CCSER1: variants seen among roughly 807,000 people sequenced by gnomAD.
The protein encoded by CCSER1 is coiled-coil serine rich protein 1, also known as serine-rich coiled-coil domain-containing protein 1.
Under a neutral mutation model 82.0 loss-of-function variants are expected in CCSER1, and 41 were observed. The observed-to-expected ratio is 0.50, with a 90% CI of 0.39 to 0.65. The LOEUF is 0.65. Among genes scored for constraint, CCSER1 ranks in the 30% least tolerant of loss-of-function variants. The pLI, the probability that CCSER1 is intolerant of heterozygous loss-of-function variation, is 0.00. For missense variants in CCSER1, 1,119 were observed against 1,064.2 expected, an observed-to-expected ratio of 1.05 and a Z score of -0.72; for synonymous variants, 414 against 383.9, an observed-to-expected ratio of 1.08 and a Z score of -0.92.
chr4:90,938,901 TTGA>T (rs1731270578), intron 9 of CCSER1: 1 of 161,088 alleles, frequency 6.2e-6, no homozygotes, highest in African/African-American at 2.4e-5. Flanking sequence ...ATATAAAATA[TTGA>T]TGAATTAAGA....
At chr4:90,916,075 A>C (rs1310009860) in intron 8 of CCSER1, among the ~76,000 whole-genome samples, 1 of 152,186 alleles carries the variant, frequency 6.6e-6, no homozygotes, top group African/African-American at 2.4e-5. Context: ...ATATCATGAA[A>C]ATGGCCATAC....
chr4:91,447,974 G>A (rs1578483387), intron 10 of CCSER1, among the ~76,000 whole-genome samples: 1 of 152,018 alleles, frequency 6.6e-6, no homozygotes, highest in Non-Finnish European at 1.5e-5. Context: ...TATTTTAGAT[G>A]TTTATGTGAG....
rs370658687 is a variant in CCSER1 at position 91,226,328 on chromosome 4, A to G, written c.2217+140334A>G. On this transcript the variant is annotated intron_variant, in intron 10 of 10. Transcript: ENST00000509176. The stretch of plus-strand genomic sequence containing the variant: ...AAGAATATATTTATTGGTGTTTATT[A>G]CATTTGAATTTCTAAGATACTTATT... 1.1e-4 allele frequency among the ~76,000 whole-genome samples: 17 copies of G among 152,074 alleles called. 1 individual carries two copies. The South Asian group carries it at 1.7e-3, about 15-fold the overall frequency.
At chr4:90,610,602 C>T (rs75795411) in intron 5 of CCSER1, among the ~76,000 whole-genome samples, 1,868 of 152,176 alleles carry the variant, frequency 0.012, 32 homozygotes, top group African/African-American at 0.043. Flanking sequence ...GCTAGTCTAC[C>T]ACTTGAGTGA....
intron 1 of CCSER1, among the ~76,000 whole-genome samples, chr4:90,199,925 T>C (rs528962974): frequency 6.6e-6 from 1 of 152,274 alleles, no homozygotes; most frequent in South Asian, 2.1e-4. Context: ...CAATATTGCA[T>C]AGCAATTAAG....
intron 10 of CCSER1, among the ~76,000 whole-genome samples, chr4:91,466,433 A>G (rs1019016678): frequency 5.9e-5 from 9 of 152,194 alleles, no homozygotes; most frequent in Admixed American, 3.9e-4. Context: ...ATTCCCTTTG[A>G]AAACTGGCAC....
intron 10 of CCSER1, among the ~76,000 whole-genome samples, chr4:91,185,795 A>G (rs1734482381): frequency 6.6e-6 from 1 of 152,130 alleles, no homozygotes; most frequent in Non-Finnish European, 1.5e-5. Context: ...TTTTAGTATG[A>G]CCATGCTTCC....
At chr4:91,382,406 G>A (rs930463476) in intron 10 of CCSER1, among the ~76,000 whole-genome samples, 2 of 152,182 alleles carry the variant, frequency 1.3e-5, no homozygotes, top group African/African-American at 2.4e-5. Flanking sequence ...CTCAGCAATG[G>A]CGGGCACCTG....
intron 6 of CCSER1, among the ~76,000 whole-genome samples, chr4:90,641,064 A>G (rs564624366): frequency 9.4e-4 from 143 of 152,268 alleles, no homozygotes; most frequent in African/African-American, 3.0e-3. Flanking sequence ...GTAATGGTGC[A>G]TGTTCAAAAC....
chr4:91,119,911 G>C (rs1726938204), intron 10 of CCSER1, among the ~76,000 whole-genome samples: 3 of 151,962 alleles, frequency 2.0e-5, no homozygotes. Flanking sequence ...ATTTGCCATG[G>C]ATGGGGACAG....
chr4:90,492,014 G>A (rs898633905), intron 5 of CCSER1, among the ~76,000 whole-genome samples: 4 of 152,246 alleles, frequency 2.6e-5, no homozygotes, highest in Admixed American at 2.0e-4. Context: ...TTTGGTATCC[G>A]GATGATGCTG....
intron 3 of CCSER1, among the ~76,000 whole-genome samples, chr4:90,316,309 A>T (rs151319311): frequency 2.0e-5 from 3 of 152,284 alleles, no homozygotes; most frequent in Non-Finnish European, 2.9e-5. Context: ...TTTTGGGAAA[A>T]TGTATTCGAT....
At chr4:90,276,980 T>G (rs1727950697) in intron 1 of CCSER1, among the ~76,000 whole-genome samples, 1 of 152,188 alleles carries the variant, frequency 6.6e-6, no homozygotes, top group Admixed American at 6.5e-5. Flanking sequence ...GAAGTCATTT[T>G]CAGTTCTAGG....
chr4:90,289,416 G>A (rs1193719503), intron 1 of CCSER1, among the ~76,000 whole-genome samples: 2 of 151,776 alleles, frequency 1.3e-5, no homozygotes, highest in Admixed American at 1.3e-4. Context: ...GACAATGTGA[G>A]CAACATCAAA....
chr4:91,167,017 T>C (rs1462699753), intron 10 of CCSER1, among the ~76,000 whole-genome samples: 2 of 152,116 alleles, frequency 1.3e-5, no homozygotes, highest in East Asian at 3.9e-4. Context: ...GTATGGTATG[T>C]TAAGATAGCT....
chr4:91,317,413 T>A (rs1376241996), intron 10 of CCSER1, among the ~76,000 whole-genome samples: 2 of 152,076 alleles, frequency 1.3e-5, no homozygotes, highest in East Asian at 3.9e-4. Context: ...GCAATTACCC[T>A]ATTTAAAATT....
At chr4:91,337,297 A>G (rs534580055) in intron 10 of CCSER1, among the ~76,000 whole-genome samples, 7 of 152,248 alleles carry the variant, frequency 4.6e-5, no homozygotes, top group South Asian at 4.1e-4. Context: ...CTAATATACC[A>G]TATACATTAG....
intron 4 of CCSER1, among the ~76,000 whole-genome samples, chr4:90,431,453 A>T (rs1758267007): frequency 6.6e-6 from 1 of 152,102 alleles, no homozygotes; most frequent in South Asian, 2.1e-4. Flanking sequence ...TAGTGTGGGG[A>T]AAGTCTCCTG....
chr4:90,586,207 C>G (rs946653715), intron 5 of CCSER1, among the ~76,000 whole-genome samples: 1 of 152,098 alleles, frequency 6.6e-6, no homozygotes, highest in South Asian at 2.1e-4. Flanking sequence ...GCTGCACATG[C>G]GAGGGACCTA....
Sources: gnomAD v4.1 joint callset for allele counts (sites outside exome capture counted in the v4.1 genomes callset) on GRCh38, gnomAD v4.1.1 for gene constraint, MANE v1.5 for transcripts, NCBI Gene and HGNC (gene_info 2026-07-23, HGNC 2026-07-21) for gene names.